Variants in DRC11 observed in about 807,000 individuals in gnomAD.
DRC11 encodes the protein dynein regulatory complex subunit 11, also known as IQ and AAA domain-containing protein 1.
chr2:236,472,183 C>G, the DRC11 span, among the ~76,000 whole-genome samples: 3 of 152,146 alleles, frequency 2.0e-5, no homozygotes, highest in African/African-American at 7.2e-5. The surrounding 1 kb of genome is among the most constrained non-coding windows in gnomAD (Gnocchi z 4.6). Flanking sequence ...TCTTGAAATT[C>G]TAATCTCCTC....
the DRC11 span, among the ~76,000 whole-genome samples, chr2:236,389,002 G>C: frequency 2.6e-5 from 4 of 152,082 alleles, no homozygotes; most frequent in Non-Finnish European, 4.4e-5. Context: ...ACCCACTTGA[G>C]GAGGCAGTCT....
chr2:236,415,721 G>C, the DRC11 span, among the ~76,000 whole-genome samples: 3 of 152,284 alleles, frequency 2.0e-5, no homozygotes, highest in African/African-American at 7.2e-5. The surrounding 1 kb of genome is among the most constrained non-coding windows in gnomAD (Gnocchi z 5.7). Context: ...TCATCGTTAA[G>C]TGACTCTTTA....
the DRC11 span, among the ~76,000 whole-genome samples, chr2:236,432,202 T>TA: frequency 1.3e-5 from 2 of 152,218 alleles, no homozygotes; most frequent in Non-Finnish European, 2.9e-5. Context: ...TTCATGTTCT[T>TA]ACTAGCCATC....
the DRC11 span, among the ~76,000 whole-genome samples, chr2:236,474,039 G>A: frequency 6.6e-6 from 1 of 152,070 alleles, no homozygotes; most frequent in Admixed American, 6.5e-5. Flanking sequence ...GTGATATAGT[G>A]GAAAATATAT....
At chr2:236,363,091 TA>T in the DRC11 span, among the ~76,000 whole-genome samples, 4 of 152,190 alleles carry the variant, frequency 2.6e-5, no homozygotes, top group Non-Finnish European at 5.9e-5. This position sits in a 1 kb window ranked among gnomAD's most constrained non-coding sequence, Gnocchi z 5.6. Flanking sequence ...TTTGATACAG[TA>T]AAAGCTGGCA....
the DRC11 span, among the ~76,000 whole-genome samples, chr2:236,336,415 C>T: frequency 6.8e-6 from 1 of 147,266 alleles, no homozygotes; most frequent in Non-Finnish European, 1.5e-5. The surrounding 1 kb of genome is among the most constrained non-coding windows in gnomAD (Gnocchi z 7.3). Flanking sequence ...TTCATGCTGA[C>T]CACCACCACC....
chr2:236,357,186 C>CATAT, the DRC11 span, among the ~76,000 whole-genome samples: 6 of 102,716 alleles, frequency 5.8e-5, no homozygotes, highest in Non-Finnish European at 9.1e-5. Flanking sequence ...TATATATATT[C>CATAT]ATATATATTA....
At chr2:236,324,833 C>T in the DRC11 span, 50 of 1,274,458 alleles carry the variant, frequency 3.9e-5, no homozygotes, top group Non-Finnish European at 5.1e-5. This position sits in a 1 kb window ranked among gnomAD's most constrained non-coding sequence, Gnocchi z 5.7. Flanking sequence ...ACCAATTCAC[C>T]GCAATACTCT....
chr2:236,337,932 G>A, the DRC11 span, among the ~76,000 whole-genome samples: 1 of 152,192 alleles, frequency 6.6e-6, no homozygotes, highest in East Asian at 1.9e-4. The surrounding 1 kb of genome is among the most constrained non-coding windows in gnomAD (Gnocchi z 4.9). Context: ...CACCCACAAG[G>A]CTTTTGTCAC....
At chr2:236,503,514 T>C in the DRC11 span, 1 of 1,060,194 alleles carries the variant, frequency 9.4e-7, no homozygotes, top group Non-Finnish European at 1.4e-6. This position sits in a 1 kb window ranked among gnomAD's most constrained non-coding sequence, Gnocchi z 4.9. Flanking sequence ...CTGCCATTTC[T>C]TTCTTCCCCA....
the DRC11 span, chr2:236,368,236 C>T: frequency 1.2e-6 from 2 of 1,611,430 alleles, no homozygotes; most frequent in South Asian, 1.1e-5. Flanking sequence ...TGTCTGACAT[C>T]CAGGAGGGAG....
chr2:236,378,855 A>G, the DRC11 span, among the ~76,000 whole-genome samples: 1 of 151,978 alleles, frequency 6.6e-6, no homozygotes, highest in Admixed American at 6.6e-5. Flanking sequence ...GAGACTCAAA[A>G]CGCTGACCAG....
chr2:236,358,028 GAATA>G, the DRC11 span, among the ~76,000 whole-genome samples: 1 of 112,482 alleles, frequency 8.9e-6, no homozygotes, highest in Non-Finnish European at 1.6e-5. Context: ...GATATAATAT[GAATA>G]TATATTTATA....
chr2:236,412,540 C>T, the DRC11 span: 1 of 152,284 alleles, frequency 6.6e-6, no homozygotes, highest in African/African-American at 2.4e-5. Context: ...GAACCATAGA[C>T]AATGGTTTGA....
the DRC11 span, among the ~76,000 whole-genome samples, chr2:236,443,686 G>A: frequency 2.6e-4 from 39 of 152,204 alleles, no homozygotes; most frequent in Middle Eastern, 3.4e-3. The surrounding 1 kb of genome is among the most constrained non-coding windows in gnomAD (Gnocchi z 4.4). Context: ...GAACATATGC[G>A]TGCAGATATC....
chr2:236,383,747 C>A, the DRC11 span, among the ~76,000 whole-genome samples: 2 of 151,722 alleles, frequency 1.3e-5, no homozygotes, highest in African/African-American at 4.8e-5. Flanking sequence ...ATGTGCCATG[C>A]TGGTGCGCTG....
chr2:236,399,366 A>AT, the DRC11 span: 2 of 1,464,340 alleles, frequency 1.4e-6, no homozygotes, highest in Non-Finnish European at 1.9e-6. The surrounding 1 kb of genome is among the most constrained non-coding windows in gnomAD (Gnocchi z 7.0). Context: ...TGGGGTTCCC[A>AT]GCACGTGCTG....
the DRC11 span, among the ~76,000 whole-genome samples, chr2:236,317,218 C>T: frequency 3.9e-5 from 6 of 151,952 alleles, no homozygotes; most frequent in Non-Finnish European, 8.8e-5. This position sits in a 1 kb window ranked among gnomAD's most constrained non-coding sequence, Gnocchi z 5.4. Flanking sequence ...ATCACTTGAA[C>T]CTGGGAGACA....
At chr2:236,356,261 C>G in the DRC11 span, among the ~76,000 whole-genome samples, 1 of 152,246 alleles carries the variant, frequency 6.6e-6, no homozygotes, top group Non-Finnish European at 1.5e-5. Context: ...GCGCCCTGCC[C>G]TGGCCTTCCC....
Sources: gnomAD v4.1 joint callset for allele counts (sites outside exome capture counted in the v4.1 genomes callset) on GRCh38, gnomAD v4.1.1 for gene constraint, Gnocchi (gnomAD v3.1) non-coding constraint, MANE v1.5 for transcripts, NCBI Gene and HGNC (gene_info 2026-07-23, HGNC 2026-07-21) for gene names.